Variants in SLC22A25 observed in about 807,000 individuals in gnomAD.
SLC22A25 encodes solute carrier family 22 member 25, also known as MGI:2442751, MGI:2385316, MGI:3042283, MGI:3645714, MGI:3605624, MGI:2442750.
A neutral mutation model predicts 45.9 loss-of-function variants in SLC22A25; 44 were observed. The ratio of observed to expected loss-of-function variants is 0.96; its 90% CI spans 0.75 to 1.23. SLC22A25 has a LOEUF of 1.23. Among genes scored for constraint, SLC22A25 ranks in the 50% most tolerant of loss-of-function variants. The pLI, the probability that SLC22A25 is intolerant of heterozygous loss-of-function variation, is 0.00. For synonymous variants in SLC22A25, 283 were observed against 238.6 expected, an observed-to-expected ratio of 1.19 and a Z score of -1.72; for missense variants, 800 against 666.4, an observed-to-expected ratio of 1.20 and a Z score of -2.21.
intron 7 of SLC22A25, among the ~76,000 whole-genome samples, chr11:63,187,219 A>G (rs1287180439): frequency 6.6e-6 from 1 of 151,830 alleles, no homozygotes; most frequent in Non-Finnish European, 1.5e-5. Flanking sequence ...GTTTTATTTC[A>G]TTGAGCAGTG....
chr11:63,224,695 A>C (rs2089921178), intron 5 of SLC22A25, among the ~76,000 whole-genome samples: 1 of 152,376 alleles, frequency 6.6e-6, no homozygotes, highest in East Asian at 1.9e-4. Context: ...CATAAACATG[A>C]AAAACAAACA....
At chr11:63,182,038 G>T (rs1162311956) in intron 8 of SLC22A25, among the ~76,000 whole-genome samples, 1 of 152,042 alleles carries the variant, frequency 6.6e-6, no homozygotes, top group East Asian at 1.9e-4. Flanking sequence ...TTTGCTTTAG[G>T]CTAGAAGGGC....
At chr11:63,225,597 C>A (rs2089945580) in intron 5 of SLC22A25, among the ~76,000 whole-genome samples, 2 of 152,152 alleles carry the variant, frequency 1.3e-5, no homozygotes, top group South Asian at 2.1e-4. Context: ...ATTATTAATA[C>A]CTTGAGGTAG....
intron 7 of SLC22A25, among the ~76,000 whole-genome samples, chr11:63,212,060 C>G (rs1028064768): frequency 3.3e-5 from 5 of 152,036 alleles, no homozygotes; most frequent in Non-Finnish European, 4.4e-5. Flanking sequence ...AAAAGACACA[C>G]GAAAAAATGC....
intron 8 of SLC22A25, among the ~76,000 whole-genome samples, chr11:63,182,135 TAAAA>T (rs147554304): frequency 1.1e-4 from 16 of 152,112 alleles, no homozygotes; most frequent in African/African-American, 3.6e-4. Flanking sequence ...ATTTACAAAA[TAAAA>T]AAATCAAGTT....
rs1406956415 is a variant in SLC22A25 at position 63,159,309 on chromosome 11, A to C, written c.*4515T>G. Among the ~76,000 whole-genome samples the C allele has an allele frequency of 6.6e-6, 1 of 152,070 alleles. No individual in the cohort carries two copies. The highest frequency in any genetic ancestry group is 1.5e-5 in the Non-Finnish European group (1 of 68,006). On this transcript the variant is annotated 3_prime_UTR_variant, in exon 12 of 12. Transcript: ENST00000306494. ...TTGGCTGCACCCCCACCCAAATCTC[A>C]TCTTGAATTATAGCTCCCATAGTTC...
chr11:63,178,868 TA>T (rs1446056057), intron 9 of SLC22A25, among the ~76,000 whole-genome samples: 2 of 152,188 alleles, frequency 1.3e-5, no homozygotes, highest in Non-Finnish European at 2.9e-5. Context: ...TTTGACTTTT[TA>T]CTCAAGAAAA....
At chr11:63,178,679 T>A (rs2134729652) in intron 9 of SLC22A25, among the ~76,000 whole-genome samples, 1 of 152,146 alleles carries the variant, frequency 6.6e-6, no homozygotes, top group South Asian at 2.1e-4. Flanking sequence ...TGCTACTGAG[T>A]TGTTTATGTT....
intron 8 of SLC22A25, among the ~76,000 whole-genome samples, chr11:63,182,574 T>A (rs971718156): frequency 2.0e-5 from 3 of 151,758 alleles, no homozygotes; most frequent in African/African-American, 7.2e-5. Flanking sequence ...ATTTCCTTTT[T>A]AAAAAAAATG....
At chr11:63,167,941 C>A in intron 9 of SLC22A25, 1 of 405,770 alleles carries the variant, frequency 2.5e-6, no homozygotes, top group Admixed American at 2.7e-5. Flanking sequence ...GGCAGGTGCT[C>A]CTCTAAAATG....
chr11:63,189,429 T>C (rs2088705398), intron 7 of SLC22A25, among the ~76,000 whole-genome samples: 1 of 152,194 alleles, frequency 6.6e-6, no homozygotes, highest in Admixed American at 6.5e-5. Context: ...ATTTTGAGCC[T>C]ATCTTTGTCT....
chr11:63,232,849 G>C (rs535383447), intron 3 of SLC22A25, among the ~76,000 whole-genome samples: 3 of 152,274 alleles, frequency 2.0e-5, no homozygotes, highest in Admixed American at 2.0e-4. Flanking sequence ...ATGAAGTGTT[G>C]TTGCATTTTG....
chr11:63,179,855 C>T (rs1331898047), intron 9 of SLC22A25, among the ~76,000 whole-genome samples: 1 of 152,102 alleles, frequency 6.6e-6, no homozygotes, highest in Admixed American at 6.6e-5. Context: ...CCTTAGGCAT[C>T]CAAATATGCC....
chr11:63,189,506 A>C (rs113502207), intron 7 of SLC22A25, among the ~76,000 whole-genome samples: 1 of 152,198 alleles, frequency 6.6e-6, no homozygotes, highest in Non-Finnish European at 1.5e-5. Flanking sequence ...ACAATTTGCC[A>C]GTCTGTGTCT....
intron 8 of SLC22A25, among the ~76,000 whole-genome samples, chr11:63,182,652 G>T (rs907475499): frequency 3.1e-4 from 47 of 151,904 alleles, no homozygotes; most frequent in African/African-American, 1.1e-3. Context: ...GTTCATCTCT[G>T]TGGGAAATAT....
In SLC22A25 at chr11:63,163,866, T is replaced by C. The variant is rs1427969963; in HGVS notation, c.1602A>G (p.Gly534=). Residue 534 remains glycine (G), a synonymous_variant, in exon 12 of 12, where the codon GGA becomes GGG. Coordinates refer to ENST00000306494, the MANE Select transcript of SLC22A25 (RefSeq NM_199352.6). ...TCTGAGGGGCAGCTAGGCTATTTACTCCCTCATTTTCCACATCCTGGATGC... is the reference window on the plus strand; with the variant it reads ...TCTGAGGGGCAGCTAGGCTATTTACCCCCTCATTTTCCACATCCTGGATGC... ...LDSIQDVENE[G]VNSLAAPQRS... 2 of 1,613,764 alleles carry C rather than the reference T, an allele frequency of 1.2e-6. No homozygotes were observed. The highest frequency in any genetic ancestry group is 1.7e-6 in the Non-Finnish European group (2 of 1,179,886).
At chr11:63,228,374 T>G in intron 5 of SLC22A25, 87 bp downstream of exon 5, 1 of 1,108,074 alleles carries the variant, frequency 9.0e-7, no homozygotes, top group Non-Finnish European at 1.3e-6. Flanking sequence ...CAGGATAGTG[T>G]GATTTCCAAA....
At chr11:63,228,593 T>C in intron 4 of SLC22A25, 29 bp from the exon 5 acceptor site, 3 of 1,510,816 alleles carry the variant, frequency 2.0e-6, no homozygotes, top group Non-Finnish European at 2.8e-6. Flanking sequence ...CTCATATCAA[T>C]GCTTATAGCC....
chr11:63,175,887 C>CCTGA (rs1448599127), intron 9 of SLC22A25, among the ~76,000 whole-genome samples: 6 of 151,786 alleles, frequency 4.0e-5, no homozygotes, highest in Non-Finnish European at 5.9e-5. Context: ...ATAACCCTTT[C>CCTGA]CTGATAGCAC....
Sources: gnomAD v4.1 joint callset for allele counts (sites outside exome capture counted in the v4.1 genomes callset) on GRCh38, gnomAD v4.1.1 for gene constraint, MANE v1.5 for transcripts, NCBI Gene and HGNC (gene_info 2026-07-23, HGNC 2026-07-21) for gene names.